GALNTL6: variants seen among roughly 807,000 people sequenced by gnomAD.
GALNTL6 encodes polypeptide N-acetylgalactosaminyltransferase like 6.
GALNTL6 carries 46 observed loss-of-function variants against 73.7 expected under a neutral mutation model. The observed-to-expected ratio is 0.62, with a 90% CI of 0.49 to 0.80. The LOEUF (loss-of-function observed/expected upper bound fraction) is 0.80, where lower values mean the gene tolerates loss of function less well. GALNTL6 is among the 30% of genes least tolerant of loss of function. GALNTL6 has a pLI of 0.00. For missense variants in GALNTL6, 604 were observed against 755.0 expected (o/e 0.80, Z 2.34); for synonymous variants, 259 against 263.7 (o/e 0.98, Z 0.17).
intron 12 of GALNTL6, among the ~76,000 whole-genome samples, chr4:173,023,494 TA>T (rs1430235814): frequency 1.3e-5 from 2 of 151,978 alleles, no homozygotes; most frequent in African/African-American, 4.8e-5. Context: ...CCATCTGGAC[TA>T]AAAAATACAA....
rs1195498822 is a variant in GALNTL6, at chr4:172,931,171, G to A, written c.1052G>A (p.Cys351Tyr). 1.3e-6 allele frequency: 2 copies of A among 1,594,306 alleles called. No individual in the cohort carries two copies. Among genetic ancestry groups the A allele is most frequent in the Non-Finnish European group, 1.7e-6 (2 of 1,161,950 alleles). Reference protein sequence around the residue: ...QYEISFKVWMCGGEMFDVPCS... With the variant: ...QYEISFKVWMYGGEMFDVPCS... ...TTTTTCCCTCTTCAGGTTTGGATGTGTGGAGGAGAAATGTTTGATGTTCCA... is the reference window on the plus strand; with the variant it reads ...TTTTTCCCTCTTCAGGTTTGGATGTATGGAGGAGAAATGTTTGATGTTCCA... The change falls in exon 9 of 13, where the codon TGT becomes TAT. Residue 351 changes from cysteine to tyrosine, a missense_variant. This residue lies in a region of GALNTL6 where 14 missense variants were observed against 40.8 expected (regional missense o/e 0.34). Coordinates refer to ENST00000506823, the MANE Select transcript of GALNTL6 (RefSeq NM_001034845.3).
intron 5 of GALNTL6, among the ~76,000 whole-genome samples, chr4:172,492,132 A>G (rs1733918524): frequency 6.6e-6 from 1 of 152,182 alleles, no homozygotes; most frequent in South Asian, 2.1e-4. Context: ...AGGTTAAGAA[A>G]AAATTGCGTA....
intron 5 of GALNTL6, among the ~76,000 whole-genome samples, chr4:172,367,508 G>A (rs191676073): frequency 2.1e-4 from 32 of 152,116 alleles, no homozygotes; most frequent in African/African-American, 6.8e-4. Context: ...AGCCAAGAAC[G>A]TAATCTTGTT....
rs111724124 is a variant in GALNTL6 at position 172,227,417 on chromosome 4, C to G, written c.139-2239C>G. On this transcript the variant is annotated intron_variant, in intron 2 of 12. Transcript: ENST00000506823. ...CTGTTTCTGGTGGCCTGAGAACATA[C>G]CATTGACGCTCCAGTCTTCTATGGG... Among the ~76,000 whole-genome samples, 499 of 152,250 alleles carry G rather than the reference C, an allele frequency of 3.3e-3. 3 individuals are homozygous for G. Among genetic ancestry groups the G allele is most frequent in the African/African-American group, 0.011 (449 of 41,536 alleles).
At chr4:172,916,359 C>T (rs1434557028) in intron 8 of GALNTL6, among the ~76,000 whole-genome samples, 2 of 152,174 alleles carry the variant, frequency 1.3e-5, no homozygotes, top group East Asian at 1.9e-4. Context: ...CCCTCTCTCA[C>T]CACTCCTATT....
intron 5 of GALNTL6, among the ~76,000 whole-genome samples, chr4:172,648,076 G>A (rs189297378): frequency 1.2e-3 from 180 of 152,212 alleles, no homozygotes; most frequent in African/African-American, 3.7e-3. Flanking sequence ...TGTGGGCTCC[G>A]GCATGGGTAG....
chr4:171,886,990 T>A (rs1450799922), intron 2 of GALNTL6, among the ~76,000 whole-genome samples: 1 of 152,192 alleles, frequency 6.6e-6, no homozygotes, highest in Non-Finnish European at 1.5e-5. Flanking sequence ...GTCTCTTTTG[T>A]GCTGCTGTGA....
chr4:172,331,593 A>G (rs1367547232), intron 4 of GALNTL6, among the ~76,000 whole-genome samples: 2 of 152,086 alleles, frequency 1.3e-5, no homozygotes, highest in Non-Finnish European at 2.9e-5. Context: ...TATGGATTTG[A>G]TTATTTTAGG....
chr4:172,645,394 T>C (rs1467594314), intron 5 of GALNTL6, among the ~76,000 whole-genome samples: 1 of 151,992 alleles, frequency 6.6e-6, no homozygotes, highest in Admixed American at 6.6e-5. Context: ...GAAATCAAGT[T>C]TCATTCCTTT....
intron 2 of GALNTL6, among the ~76,000 whole-genome samples, chr4:172,057,266 T>G (rs1731042859): frequency 6.6e-6 from 1 of 151,890 alleles, no homozygotes; most frequent in Non-Finnish European, 1.5e-5. Flanking sequence ...CCAAAAAAAT[T>G]AGCCAGTTGT....
intron 2 of GALNTL6, among the ~76,000 whole-genome samples, chr4:172,078,640 T>C (rs1050892879): frequency 6.6e-6 from 1 of 152,168 alleles, no homozygotes; most frequent in Middle Eastern, 3.2e-3. Flanking sequence ...TTGATTAGAG[T>C]AAACTTGAAA....
At chr4:172,239,234 T>G (rs1737338037) in intron 3 of GALNTL6, among the ~76,000 whole-genome samples, 1 of 152,212 alleles carries the variant, frequency 6.6e-6, no homozygotes, top group Admixed American at 6.5e-5. Context: ...ACATGGACTT[T>G]TCCTGGTTGG....
chr4:172,815,618 A>T (rs1441606845), intron 7 of GALNTL6, among the ~76,000 whole-genome samples: 5 of 152,188 alleles, frequency 3.3e-5, no homozygotes, highest in Non-Finnish European at 7.4e-5. Context: ...TTATAAAAGT[A>T]TTCTCAGTGC....
At chr4:172,249,073 G>T (rs1427250640) in intron 3 of GALNTL6, among the ~76,000 whole-genome samples, 1 of 152,182 alleles carries the variant, frequency 6.6e-6, no homozygotes, top group African/African-American at 2.4e-5. Flanking sequence ...GGAACAGTTT[G>T]GAGGGCTCAG....
At chr4:172,538,665 A>G (rs1735438695) in intron 5 of GALNTL6, among the ~76,000 whole-genome samples, 1 of 152,198 alleles carries the variant, frequency 6.6e-6, no homozygotes, top group African/African-American at 2.4e-5. Context: ...AAAAAGATAT[A>G]GATGAAAAAA....
chr4:171,916,196 G>A (rs901430255), intron 2 of GALNTL6, among the ~76,000 whole-genome samples: 2 of 151,614 alleles, frequency 1.3e-5, no homozygotes, highest in Admixed American at 6.6e-5. Flanking sequence ...TGTATACAAC[G>A]TTTAACATAT....
chr4:172,067,425 C>T (rs567049806), intron 2 of GALNTL6, among the ~76,000 whole-genome samples: 4 of 151,960 alleles, frequency 2.6e-5, no homozygotes, highest in Non-Finnish European at 4.4e-5. Context: ...TCATTGCAAA[C>T]GACTCTCGAA....
At chr4:172,030,601 T>A (rs904475577) in intron 2 of GALNTL6, among the ~76,000 whole-genome samples, 5 of 151,814 alleles carry the variant, frequency 3.3e-5, no homozygotes, top group African/African-American at 1.2e-4. Context: ...TCCCAGCTAC[T>A]CAGGAGGCTG....
intron 2 of GALNTL6, among the ~76,000 whole-genome samples, chr4:171,850,487 A>G (rs1221720388): frequency 6.6e-6 from 1 of 152,140 alleles, no homozygotes; most frequent in Non-Finnish European, 1.5e-5. Context: ...AAATTGTTTT[A>G]ATATTGCTTA....
Sources: allele counts gnomAD v4.1 joint callset (sites outside exome capture counted in the v4.1 genomes callset), GRCh38; gene constraint gnomAD v4.1.1; regional missense constraint gnomAD v4.1.1; transcripts MANE v1.5; gene names NCBI Gene and HGNC (gene_info 2026-07-23, HGNC 2026-07-21).